Variants in GLRA2 observed in about 807,000 individuals in gnomAD.
GLRA2 encodes glycine receptor subunit alpha-2.
In GLRA2, 11 loss-of-function variants were observed where a neutral mutation model predicts 31.6. That is an observed-to-expected ratio of 0.35 (90% CI 0.22 to 0.58). The LOEUF (loss-of-function observed/expected upper bound fraction) is 0.58, where lower values mean the gene tolerates loss of function less well. Ranked by LOEUF, GLRA2 falls within the 20% of genes least tolerant of loss-of-function variation. The pLI, the probability that GLRA2 is intolerant of heterozygous loss-of-function variation, is 0.84. For synonymous variants in GLRA2, 132 were observed against 134.0 expected (o/e 0.99, Z 0.10); for missense variants, 212 against 351.8 (o/e 0.60, Z 3.18).
At chrX:14,594,860 A>C (rs2090182904) in intron 4 of GLRA2, among the ~76,000 whole-genome samples, 1 of 107,058 alleles carries the variant, frequency 9.3e-6, no homozygotes, top group Non-Finnish European at 1.9e-5. Flanking sequence ...AGCCACTGGG[A>C]TTTTAGTCAG....
At chrX:14,633,094 A>G (rs755160966) in intron 7 of GLRA2, among the ~76,000 whole-genome samples, 1 of 112,454 alleles carries the variant, frequency 8.9e-6, no homozygotes, top group East Asian at 2.8e-4. Context: ...AATGGAAAAA[A>G]GCAGAGAAAC....
rs577852127 is a variant in GLRA2, at chrX:14,653,421, A to G, written c.931-37289A>G. ...TTGGAAAAAGTTGATTCTAACCCTC[A>G]TGGATGACTTTGAGGGGTCTGAGAC... On this transcript the variant is annotated intron_variant, in intron 7 of 8. Coordinates refer to ENST00000218075, the MANE Select transcript of GLRA2 (RefSeq NM_002063.4). 1.5e-3 allele frequency among the ~76,000 whole-genome samples: 164 copies of G among 111,992 alleles called. 1 individual carries two copies. The highest frequency in any genetic ancestry group is 4.6e-3 in the Middle Eastern group (1 of 217).
intron 7 of GLRA2, among the ~76,000 whole-genome samples, chrX:14,618,496 TAAAC>T (rs903532228): frequency 4.5e-5 from 5 of 112,066 alleles, no homozygotes; most frequent in African/African-American, 1.3e-4. Flanking sequence ...TGAATTAAAA[TAAAC>T]ATATATATAG....
chrX:14,460,142 T>C, the GLRA2 span, among the ~76,000 whole-genome samples: 1 of 112,259 alleles, frequency 8.9e-6, no homozygotes, highest in Non-Finnish European at 1.9e-5. Context: ...ATGTGGTTTT[T>C]GTCATTGGTT....
intron 4 of GLRA2, among the ~76,000 whole-genome samples, chrX:14,594,742 T>A (rs1267647504): frequency 9.0e-6 from 1 of 111,629 alleles, no homozygotes; most frequent in Admixed American, 9.6e-5. Flanking sequence ...CACACACAGA[T>A]GGGAACAGAT....
chrX:14,568,715 GA>G (rs201212410), intron 2 of GLRA2, among the ~76,000 whole-genome samples: 1 of 98,322 alleles, frequency 1.0e-5, no homozygotes, highest in East Asian at 3.1e-4. Flanking sequence ...AAAAAGAAAA[GA>G]AAAAAAAGAA....
the GLRA2 span, among the ~76,000 whole-genome samples, chrX:14,519,099 T>G: frequency 1.8e-5 from 2 of 108,930 alleles, no homozygotes; most frequent in African/African-American, 6.7e-5. Context: ...TTGTGTCTTA[T>G]GTTATCTGTG....
rs780587635 is a variant in GLRA2, at chrX:14,717,792, T to G, written c.1081-12415T>G. ...CAATAAACAAGGATTTATCAAGAAT[T>G]TTTTGAGCACGCATTAGATTACTCA... On this transcript the variant is annotated intron_variant, in intron 8 of 8. Transcript: ENST00000218075. Among the ~76,000 whole-genome samples the G allele has an allele frequency of 2.5e-4, 27 of 109,883 alleles. 1 individual carries two copies. Among genetic ancestry groups the G allele is most frequent in the Non-Finnish European group, 2.3e-4 (12 of 52,701 alleles).
At chrX:14,670,768 A>G (rs2091084295) in intron 7 of GLRA2, among the ~76,000 whole-genome samples, 1 of 111,804 alleles carries the variant, frequency 8.9e-6, no homozygotes, top group Non-Finnish European at 1.9e-5. Flanking sequence ...TATCACTGTT[A>G]AAACCTTTAA....
At chrX:14,604,591 T>TGC (rs2090314736) in intron 5 of GLRA2, among the ~76,000 whole-genome samples, 194 bp downstream of exon 5, 1 of 90,338 alleles carries the variant, frequency 1.1e-5, no homozygotes, top group Non-Finnish European at 2.2e-5. Context: ...TGTGTGTGTG[T>TGC]GTCATACAAA....
chrX:14,489,494 C>G, the GLRA2 span, among the ~76,000 whole-genome samples: 21 of 112,211 alleles, frequency 1.9e-4, no homozygotes, highest in East Asian at 1.1e-3. Context: ...AAAGGGGAAA[C>G]AGACTCTTAG....
chrX:14,701,845 A>G (rs972143553), intron 8 of GLRA2, among the ~76,000 whole-genome samples: 1 of 112,264 alleles, frequency 8.9e-6, no homozygotes, highest in Non-Finnish European at 1.9e-5. Flanking sequence ...TCAATGTTTA[A>G]ATGAGAAAGA....
rs1442476282 is a variant in GLRA2 at position 14,730,519 on chromosome X, C to G, written c.*34C>G. On this transcript the variant is annotated 3_prime_UTR_variant, in exon 9 of 9. Coordinates refer to ENST00000218075, the MANE Select transcript of GLRA2 (RefSeq NM_002063.4). Reference sequence around the variant, plus strand: ...TACAGACCCTGGGACCTTCTTGCCTCAGTGTTGTGCTTGTAAATACACAGT... The same window carrying G: ...TACAGACCCTGGGACCTTCTTGCCTGAGTGTTGTGCTTGTAAATACACAGT... 1 of 988,601 alleles carries G rather than the reference C, an allele frequency of 1.0e-6. No homozygotes were observed. Among genetic ancestry groups the G allele is most frequent in the Non-Finnish European group, 1.4e-6 (1 of 730,158 alleles). 81.5% of individuals were successfully genotyped at this position (988,601 alleles called of 1,213,427 possible).
chrX:14,549,493 C>T (rs2089526663), intron 2 of GLRA2, among the ~76,000 whole-genome samples: 1 of 111,251 alleles, frequency 9.0e-6, no homozygotes, highest in Non-Finnish European at 1.9e-5. Context: ...GACAATCATC[C>T]ACAAAAGAGA....
At chrX:14,636,888 T>C (rs1345241601) in intron 7 of GLRA2, among the ~76,000 whole-genome samples, 1 of 112,044 alleles carries the variant, frequency 8.9e-6, no homozygotes, top group African/African-American at 3.2e-5. Context: ...AGAATGGATG[T>C]GTGCTTAGGC....
chrX:14,605,597 C>T (rs1379261232), intron 5 of GLRA2, among the ~76,000 whole-genome samples: 2 of 111,811 alleles, frequency 1.8e-5, no homozygotes, highest in East Asian at 5.6e-4. Flanking sequence ...AAACAGTAGC[C>T]GTAGCTGTCA....
chrX:14,469,193 G>T, the GLRA2 span, among the ~76,000 whole-genome samples: 137 of 111,136 alleles, frequency 1.2e-3, no homozygotes, highest in Non-Finnish European at 1.8e-3. Flanking sequence ...GTCAATTTTG[G>T]CTTTTGTTGC....
intron 4 of GLRA2, among the ~76,000 whole-genome samples, chrX:14,603,111 G>A (rs1173467224): frequency 5.7e-5 from 6 of 104,924 alleles, no homozygotes; most frequent in East Asian, 3.0e-4. Context: ...TTTTGATTAC[G>A]GTCATTATTG....
the GLRA2 span, among the ~76,000 whole-genome samples, chrX:14,461,732 G>A: frequency 6.3e-5 from 7 of 111,537 alleles, no homozygotes; most frequent in Middle Eastern, 4.6e-3. Flanking sequence ...TATTTTGAGC[G>A]TATATGTGTC....
Sources: allele counts gnomAD v4.1 joint callset (sites outside exome capture counted in the v4.1 genomes callset), GRCh38; gene constraint gnomAD v4.1.1; transcripts MANE v1.5; gene names NCBI Gene and HGNC (gene_info 2026-07-23, HGNC 2026-07-21).